PTAR1: variants seen among roughly 807,000 people sequenced by gnomAD.
PTAR1 encodes protein prenyltransferase alpha subunit repeat containing 1, also known as protein prenyltransferase alpha subunit repeat-containing protein 1.
Under a neutral mutation model 45.5 loss-of-function variants are expected in PTAR1, and 17 were observed. The ratio of observed to expected loss-of-function variants is 0.37; its 90% CI spans 0.26 to 0.56. The LOEUF (loss-of-function observed/expected upper bound fraction) is 0.56. Ranked by LOEUF, PTAR1 falls within the 20% of genes least tolerant of loss-of-function variation. The pLI, the probability that PTAR1 is intolerant of heterozygous loss-of-function variation, is 0.77. For synonymous variants in PTAR1, 169 were observed against 171.3 expected, an observed-to-expected ratio of 0.99 and a Z score of 0.11; for missense variants, 391 against 476.3, an observed-to-expected ratio of 0.82 and a Z score of 1.67.
At chr9:69,738,557 T>A (rs1825895628) in intron 3 of PTAR1, among the ~76,000 whole-genome samples, 2 of 152,168 alleles carry the variant, frequency 1.3e-5, no homozygotes, top group South Asian at 4.1e-4. Context: ...GCTCAAATCA[T>A]TCCAGCTATG....
chr9:69,751,216 A>G (rs1826517035), intron 1 of PTAR1, among the ~76,000 whole-genome samples: 1 of 152,114 alleles, frequency 6.6e-6, no homozygotes, highest in Non-Finnish European at 1.5e-5. Flanking sequence ...TTGAAGGAAC[A>G]TACCCTTTGA....
At chr9:69,723,126 G>T (rs1214033890) in intron 6 of PTAR1, among the ~76,000 whole-genome samples, 200 bp downstream of exon 6, 1 of 98,494 alleles carries the variant, frequency 1.0e-5, no homozygotes, top group Admixed American at 1.3e-4. Flanking sequence ...TCTACATGAG[G>T]AATCTCTTAT....
intron 5 of PTAR1, among the ~76,000 whole-genome samples, chr9:69,725,714 C>G (rs912413605): frequency 1.3e-5 from 2 of 151,802 alleles, no homozygotes; most frequent in African/African-American, 4.8e-5. Context: ...ATATTAGAAA[C>G]TTTAACTGGA....
At chr9:69,721,430 G>T (rs1825002360) in intron 6 of PTAR1, among the ~76,000 whole-genome samples, 1 of 152,192 alleles carries the variant, frequency 6.6e-6, no homozygotes, top group African/African-American at 2.4e-5. Context: ...TCCTGAGATA[G>T]AATCTACTTC....
chr9:69,740,793 T>C (rs1003131650), intron 3 of PTAR1, among the ~76,000 whole-genome samples: 60 of 152,130 alleles, frequency 3.9e-4, no homozygotes, highest in Admixed American at 7.2e-4. Flanking sequence ...AATAGAAATA[T>C]AATGTGAGTC....
At position 69,715,205 on chromosome 9, in the gene PTAR1, A is replaced by G. The variant is rs1454512323; in HGVS notation, c.*3137T>C. ...GTTTAAACAAGGTAATGAAATGAAG[A>G]AAAAAAAAGTCTAAATCAACTTACT... On this transcript the variant is annotated 3_prime_UTR_variant, in exon 8 of 8. Transcript: ENST00000340434. 4 of 150,236 alleles carry G rather than the reference A, an allele frequency of 2.7e-5. No individual in the cohort carries two copies. The highest frequency in any genetic ancestry group is 7.5e-5 in the African/African-American group (3 of 39,982). 9.3% of individuals were successfully genotyped at this position (150,236 alleles called of 1,614,324 possible).
chr9:69,747,276 T>C (rs1277585215), intron 2 of PTAR1, among the ~76,000 whole-genome samples: 1 of 152,160 alleles, frequency 6.6e-6, no homozygotes, highest in African/African-American at 2.4e-5. Flanking sequence ...AGGGCTTCCA[T>C]AAAAGAGCAG....
chr9:69,722,801 T>G (rs1825080212), intron 6 of PTAR1, among the ~76,000 whole-genome samples: 1 of 151,534 alleles, frequency 6.6e-6, no homozygotes, highest in Non-Finnish European at 1.5e-5. Flanking sequence ...TAGCCCGGTG[T>G]GGTGGTGGGT....
chr9:69,734,007 G>A (rs949020128), intron 4 of PTAR1, 143 bp downstream of exon 4: 2 of 572,956 alleles, frequency 3.5e-6, no homozygotes, highest in African/African-American at 3.9e-5. Context: ...AAGTTATATA[G>A]CTCCTAGATT....
rs1824461221 is a variant in PTAR1 at position 69,709,967 on chromosome 9, T to C, written c.*8375A>G. 6.6e-6 allele frequency: 1 copy of C among 152,160 alleles called. No individual in the cohort carries two copies. Among genetic ancestry groups the C allele is most frequent in the South Asian group, 2.1e-4 (1 of 4,830 alleles). 9.4% of individuals were successfully genotyped at this position (152,160 alleles called of 1,614,324 possible). A position where few individuals can be genotyped will look rare whatever the true frequency, so the allele number is the denominator to read the frequency against. On this transcript the variant is annotated 3_prime_UTR_variant, in exon 8 of 8. Transcript: ENST00000340434. Reference sequence around the variant, plus strand: ...TGGAATTATTCCTCCTTAATAATGCTTGGCAAATTGGAACAGGCTGATCCT... The same window carrying C: ...TGGAATTATTCCTCCTTAATAATGCCTGGCAAATTGGAACAGGCTGATCCT...
At chr9:69,759,798 C>T (rs1827004467) in intron 1 of PTAR1, 55 bp downstream of exon 1, 12 of 1,241,994 alleles carry the variant, frequency 9.7e-6, no homozygotes, top group Non-Finnish European at 1.3e-5. Flanking sequence ...GACGCTTGGC[C>T]CCGCCCCCGC....
At chr9:69,747,639 A>G (rs1826332833) in intron 2 of PTAR1, among the ~76,000 whole-genome samples, 1 of 152,244 alleles carries the variant, frequency 6.6e-6, no homozygotes, top group South Asian at 2.1e-4. Context: ...TGGAACAGAC[A>G]TGCCCAGTTA....
chr9:69,759,365 A>T (rs761867565), intron 1 of PTAR1, among the ~76,000 whole-genome samples: 11 of 152,328 alleles, frequency 7.2e-5, no homozygotes, highest in Middle Eastern at 6.8e-3. Context: ...CTAAAGTCAA[A>T]AGCAGCCTCA....
chr9:69,721,474 A>G (rs1488877392), intron 6 of PTAR1, among the ~76,000 whole-genome samples: 1 of 152,238 alleles, frequency 6.6e-6, no homozygotes, highest in Non-Finnish European at 1.5e-5. Context: ...TTGAAATGAC[A>G]ACAAAGGATT....
In PTAR1 at chr9:69,741,990, G is replaced by A. The variant is rs564961712; in HGVS notation, c.257-132C>T. 142 of 614,358 alleles carry A rather than the reference G, an allele frequency of 2.3e-4. 2 individuals are homozygous for A. In the South Asian group the frequency reaches 2.9e-3, roughly 12 times the overall value. The allele number at this position is 614,358 out of a possible 1,614,324, so 38.1% of individuals were successfully genotyped here. A position where few individuals can be genotyped will look rare whatever the true frequency, so the allele number is the denominator to read the frequency against. The stretch of plus-strand genomic sequence containing the variant: ...TCTCTCATGTCATACTAACTTTAAT[G>A]ATAAATTCCCTCTTCTAAGCTGTCA... On this transcript the variant is annotated intron_variant, in intron 2 of 7. Transcript: ENST00000340434.
At chr9:69,751,392 T>C (rs530827026) in intron 1 of PTAR1, among the ~76,000 whole-genome samples, 49 of 149,944 alleles carry the variant, frequency 3.3e-4, no homozygotes, top group African/African-American at 1.1e-3. Context: ...AACAATGAGG[T>C]AGATCTGCAT....
intron 1 of PTAR1, among the ~76,000 whole-genome samples, chr9:69,753,061 G>C (rs1459464956): frequency 6.6e-6 from 1 of 152,038 alleles, no homozygotes; most frequent in Non-Finnish European, 1.5e-5. Context: ...TCAAAGAACT[G>C]CAAGAGTCAA....
In PTAR1 at chr9:69,711,267, A is replaced by G. The variant is rs1481338226; in HGVS notation, c.*7075T>C. ...TCAGTCAGCAGCCAGCATCGAAGTC[A>G]TGCATCAAGAACCTCGCCAGGAGGC... On this transcript the variant is annotated 3_prime_UTR_variant, in exon 8 of 8. Transcript: ENST00000340434. The G allele has an allele frequency of 6.6e-6, 1 of 152,224 alleles. No homozygotes were observed. The highest frequency in any genetic ancestry group is 1.5e-5 in the Non-Finnish European group (1 of 68,030). 9.4% of individuals were successfully genotyped at this position (152,224 alleles called of 1,614,324 possible).
In PTAR1 at chr9:69,750,954, A is replaced by T. The variant is rs780178794; in HGVS notation, c.87-4T>A. 15 of 1,544,488 alleles carry T rather than the reference A, an allele frequency of 9.7e-6. No homozygotes were observed. The highest frequency in any genetic ancestry group is 1.1e-5 in the Non-Finnish European group (13 of 1,146,006). ...TGGGATCAGGCCAATTTCATCTCTT[A>T]ATATGTAAAACATAAAAAAGAATTA... On this transcript the variant is annotated splice_region_variant and splice_polypyrimidine_tract_variant and intron_variant, in intron 1 of 7. Coordinates refer to ENST00000340434, the MANE Select transcript of PTAR1 (RefSeq NM_001099666.2).
Sources: gnomAD v4.1 joint callset for allele counts (sites outside exome capture counted in the v4.1 genomes callset) on GRCh38, gnomAD v4.1.1 for gene constraint, MANE v1.5 for transcripts, NCBI Gene and HGNC (gene_info 2026-07-23, HGNC 2026-07-21) for gene names.